The following DST variants were observed in gnomAD, a reference collection of about 807,000 sequenced individuals.
The protein encoded by DST is dystonin, also known as bullous pemphigoid antigen.
A neutral mutation model predicts 875.2 loss-of-function variants in DST; 253 were observed. The ratio of observed to expected loss-of-function variants is 0.29; its 90% CI spans 0.26 to 0.32. The LOEUF is 0.32. Among genes scored for constraint, DST ranks in the 10% least tolerant of loss-of-function variants. The pLI is 1.00. For missense variants in DST, 8,287 were observed against 9,111.6 expected, an observed-to-expected ratio of 0.91 and a Z score of 3.68; for synonymous variants, 3,124 against 3,197.1, an observed-to-expected ratio of 0.98 and a Z score of 0.77.
chr6:56,494,242 T>C, intron 82 of DST, 62 bp from the exon 83 acceptor site: 1 of 1,471,356 alleles, frequency 6.8e-7, no homozygotes, highest in Admixed American at 2.1e-5. Context: ...AGTTCTATTT[T>C]TCTAGGTCAT....
intron 10 of DST, among the ~76,000 whole-genome samples, chr6:56,668,303 CAAG>C (rs1178946470): frequency 6.6e-6 from 1 of 152,208 alleles, no homozygotes; most frequent in Admixed American, 6.5e-5. Flanking sequence ...AACCTTCACT[CAAG>C]AAGATCTGGT....
intron 4 of DST, among the ~76,000 whole-genome samples, chr6:56,803,479 G>A (rs2099749661): frequency 6.6e-6 from 1 of 152,122 alleles, no homozygotes; most frequent in South Asian, 2.1e-4. Flanking sequence ...GGGACCATGT[G>A]AGTACAAGCA....
At chr6:56,492,186 T>C in intron 85 of DST, 41 bp downstream of exon 85, 1 of 1,541,360 alleles carries the variant, frequency 6.5e-7, no homozygotes, top group South Asian at 1.1e-5. Flanking sequence ...CAAGAAGTGG[T>C]TTATTGACAA....
intron 49 of DST, among the ~76,000 whole-genome samples, chr6:56,584,544 G>C (rs1410562514): frequency 1.3e-5 from 2 of 149,526 alleles, no homozygotes; most frequent in Admixed American, 6.6e-5. Flanking sequence ...TGCAAACAGG[G>C]ACAATTTGAC....
intron 36 of DST, chr6:56,615,752 G>A: frequency 6.2e-7 from 1 of 1,614,100 alleles, no homozygotes; most frequent in Non-Finnish European, 8.5e-7. Context: ...TGATAACCGA[G>A]AGTGAACCTG....
At chr6:56,656,615 G>C (rs111939008) in intron 10 of DST, among the ~76,000 whole-genome samples, 11,834 of 152,156 alleles carry the variant, frequency 0.078, 1,471 homozygotes, top group African/African-American at 0.26. Context: ...TATATAACTT[G>C]ACCAAGAACA....
chr6:56,828,591 G>A lies in DST; in HGVS notation c.625+22806C>T, dbSNP rs563611189. ...CAGTGAAAGCAGCTTCTATACACCAGTAAGAAACAAAGGAGACTGAGCAAT... is the reference window on the plus strand; with the variant it reads ...CAGTGAAAGCAGCTTCTATACACCAATAAGAAACAAAGGAGACTGAGCAAT... On this transcript the variant is annotated intron_variant, in intron 4 of 103. Transcript: ENST00000680361. Among the ~76,000 whole-genome samples, 3 of 152,302 alleles carry A rather than the reference G, an allele frequency of 2.0e-5. No homozygotes were observed. In the East Asian group the frequency reaches 5.8e-4, roughly 29 times the overall value.
intron 48 of DST, among the ~76,000 whole-genome samples, chr6:56,592,668 T>A (rs900412666): frequency 9.8e-5 from 15 of 152,322 alleles, no homozygotes; most frequent in African/African-American, 3.1e-4. Context: ...GAGATTTTGA[T>A]ACACCATGTG....
rs182895041 is a variant in DST, at chr6:56,488,403, C to T, written c.20877+1087G>A. ...TGTTTTGAGAAGGAAGCTCTCATTT[C>T]GCCATCAGAGGGGAAGGAAGGAAGG... is the stretch of plus-strand genomic sequence containing the variant. On this transcript the variant is annotated intron_variant, in intron 86 of 103. Transcript: ENST00000680361. 2.3e-4 allele frequency among the ~76,000 whole-genome samples: 35 copies of T among 152,298 alleles called. No individual in the cohort carries two copies. The East Asian group carries it at 6.2e-3, about 27-fold the overall frequency.
intron 36 of DST, chr6:56,618,716 G>A (rs2098655450): frequency 2.5e-6 from 4 of 1,613,882 alleles, no homozygotes; most frequent in Middle Eastern, 3.3e-4. Context: ...CCTAATGCCT[G>A]AAATATCATT....
intron 4 of DST, among the ~76,000 whole-genome samples, chr6:56,833,128 C>T (rs2099789307): frequency 6.6e-6 from 1 of 152,192 alleles, no homozygotes; most frequent in Non-Finnish European, 1.5e-5. Flanking sequence ...TAATCACTCT[C>T]TTTTTTCTAG....
chr6:56,509,152 T>C (rs138202734), intron 74 of DST, among the ~76,000 whole-genome samples: 1 of 152,316 alleles, frequency 6.6e-6, no homozygotes, highest in Non-Finnish European at 1.5e-5. Context: ...TGGTATGTAC[T>C]TTGGGCTTGC....
chr6:56,555,039 T>C (rs1266210388), intron 60 of DST, among the ~76,000 whole-genome samples: 2 of 152,200 alleles, frequency 1.3e-5, no homozygotes, highest in East Asian at 3.9e-4. Flanking sequence ...TCTGGCTAAA[T>C]AAGACTTTCA....
chr6:56,566,144 G>A lies in DST; in HGVS notation c.14005+2325C>T, dbSNP rs143829809. Among the ~76,000 whole-genome samples the A allele has an allele frequency of 4.5e-4, 68 of 152,298 alleles. 2 individuals carry two copies. The East Asian group carries it at 0.012, about 28-fold the overall frequency. On this transcript the variant is annotated intron_variant, in intron 55 of 103. Coordinates refer to ENST00000680361, the MANE Select transcript of DST (RefSeq NM_001374736.1). ...TAGCTTGCTGGGCTCCGTAGGGGTT[G>A]GATCTGCTGAGCTAGACCACTTAGC...
chr6:56,736,137 A>G (rs1344548796), intron 4 of DST, among the ~76,000 whole-genome samples: 3 of 152,052 alleles, frequency 2.0e-5, no homozygotes, highest in African/African-American at 7.2e-5. Flanking sequence ...TGATCCACCC[A>G]CCTTGGCTTT....
chr6:56,735,408 G>C, intron 4 of DST, 119 bp from the exon 5 acceptor site: 1 of 700,476 alleles, frequency 1.4e-6, no homozygotes, highest in Non-Finnish European at 2.3e-6. Context: ...TGTATTCAAA[G>C]TTTCTTGTTA....
intron 93 of DST, among the ~76,000 whole-genome samples, chr6:56,472,793 T>C (rs765819104): frequency 1.3e-5 from 2 of 152,200 alleles, no homozygotes; most frequent in Non-Finnish European, 2.9e-5. Flanking sequence ...TTCCTGTGCA[T>C]AGTCTCAAAC....
At chr6:56,703,560 G>T (rs2099319814) in intron 7 of DST, 88 bp downstream of exon 7, 2 of 400,710 alleles carry the variant, frequency 5.0e-6, no homozygotes, top group Non-Finnish European at 6.8e-6. Flanking sequence ...CTAAAAAGGA[G>T]CCTGAACCCA....
chr6:56,905,067 C>T (rs145359998), intron 2 of DST, among the ~76,000 whole-genome samples: 274 of 152,298 alleles, frequency 1.8e-3, no homozygotes, highest in Admixed American at 2.9e-3. Context: ...GGATTACAGG[C>T]GTGAGCCACC....
Sources: allele counts gnomAD v4.1 joint callset (sites outside exome capture counted in the v4.1 genomes callset), GRCh38; gene constraint gnomAD v4.1.1; transcripts MANE v1.5; gene names NCBI Gene and HGNC (gene_info 2026-07-23, HGNC 2026-07-21).